Variants in GPC6 observed in about 807,000 individuals in gnomAD.
GPC6 encodes the protein glypican-6.
A neutral mutation model predicts 55.2 loss-of-function variants in GPC6; 14 were observed. The ratio of observed to expected loss-of-function variants is 0.25; its 90% CI spans 0.17 to 0.40. GPC6 has a LOEUF of 0.40. Among genes scored for constraint, GPC6 ranks in the 10% least tolerant of loss-of-function variants. GPC6 has a pLI of 1.00. For missense variants in GPC6, 641 were observed against 708.5 expected (o/e 0.90, Z 1.08); for synonymous variants, 278 against 259.6 (o/e 1.07, Z -0.68).
intron 1 of GPC6, among the ~76,000 whole-genome samples, chr13:93,298,514 A>G (rs1878568337): frequency 6.6e-6 from 1 of 152,162 alleles, no homozygotes; most frequent in Non-Finnish European, 1.5e-5. Context: ...AGCTCACTGT[A>G]GCCTTGACTT....
chr13:93,497,651 G>T (rs1880356460), intron 1 of GPC6, among the ~76,000 whole-genome samples: 2 of 152,218 alleles, frequency 1.3e-5, no homozygotes, highest in Non-Finnish European at 2.9e-5. Context: ...GTTTGAAGCT[G>T]AAGGACAATT....
At chr13:93,494,612 C>G (rs538226097) in intron 1 of GPC6, among the ~76,000 whole-genome samples, 196 of 152,242 alleles carry the variant, frequency 1.3e-3, no homozygotes, top group African/African-American at 4.6e-3. Flanking sequence ...CAGTTTCTTC[C>G]TAGTCTCAAT....
chr13:93,338,757 T>A (rs1407470064), intron 1 of GPC6, among the ~76,000 whole-genome samples: 1 of 152,220 alleles, frequency 6.6e-6, no homozygotes, highest in Non-Finnish European at 1.5e-5. Flanking sequence ...TATTATTTAA[T>A]GCATTTTACA....
In GPC6 at chr13:93,932,973, CTTT is replaced by C. The variant is rs59362571; in HGVS notation, c.712-94738_712-94736del. Among the ~76,000 whole-genome samples, 267 of 102,360 alleles carry C rather than the reference CTTT, an allele frequency of 2.6e-3. 1 individual carries two copies. Among genetic ancestry groups the C allele is most frequent in the African/African-American group, 6.1e-3 (169 of 27,506 alleles). The allele number at this position is 102,360 out of a possible 152,430, so 67.2% of individuals were successfully genotyped here. On this transcript the variant is annotated intron_variant, in intron 3 of 8. Coordinates refer to ENST00000377047, the MANE Select transcript of GPC6 (RefSeq NM_005708.5). ...GGCTGTTTTTTTGTTTTGTTTTGTT[CTTT>C]TTTTTTTTTTTTTTTTTCTGGAGTT...
chr13:93,643,318 G>C (rs553098207), intron 2 of GPC6, among the ~76,000 whole-genome samples: 2 of 152,010 alleles, frequency 1.3e-5, no homozygotes, highest in Admixed American at 6.6e-5. Flanking sequence ...GAGTAGGGGG[G>C]TTCAAAACTT....
chr13:93,411,807 C>T (rs1566342840), intron 1 of GPC6, among the ~76,000 whole-genome samples: 1 of 151,802 alleles, frequency 6.6e-6, no homozygotes, highest in Non-Finnish European at 1.5e-5. Context: ...TAGAGACCAG[C>T]CTACCCAACC....
intron 1 of GPC6, among the ~76,000 whole-genome samples, chr13:93,269,388 T>C (rs920917927): frequency 1.2e-4 from 19 of 152,150 alleles, no homozygotes; most frequent in Admixed American, 6.5e-5. Flanking sequence ...CAGCTGAACA[T>C]TTGGATATTG....
chr13:93,614,209 G>A (rs1002736320), intron 2 of GPC6, among the ~76,000 whole-genome samples: 4 of 152,136 alleles, frequency 2.6e-5, no homozygotes, highest in Non-Finnish European at 5.9e-5. Context: ...GAATCACTGT[G>A]TATTACTCCT....
At chr13:93,238,848 C>T (rs1053293312) in intron 1 of GPC6, among the ~76,000 whole-genome samples, 13 of 151,974 alleles carry the variant, frequency 8.6e-5, no homozygotes, top group African/African-American at 2.9e-4. Context: ...CTAAAATGAC[C>T]ATATAGCTTT....
At chr13:93,934,226 A>G (rs1878319706) in intron 3 of GPC6, among the ~76,000 whole-genome samples, 4 of 152,150 alleles carry the variant, frequency 2.6e-5, no homozygotes, top group African/African-American at 9.7e-5. Flanking sequence ...GTAGTTATTG[A>G]TCACTTGAAA....
chr13:94,326,066 G>C (rs57375458), intron 6 of GPC6, among the ~76,000 whole-genome samples: 4,720 of 152,194 alleles, frequency 0.031, 225 homozygotes, highest in African/African-American at 0.1. Flanking sequence ...GAGTTGGAAG[G>C]GATGTTAACA....
intron 2 of GPC6, among the ~76,000 whole-genome samples, chr13:93,753,546 C>T (rs888020199): frequency 6.6e-5 from 10 of 151,954 alleles, no homozygotes; most frequent in South Asian, 2.1e-4. Flanking sequence ...ATGAAGAATG[C>T]GGTATCCATC....
At chr13:94,286,988 G>A (rs1056705683) in intron 5 of GPC6, among the ~76,000 whole-genome samples, 1 of 152,118 alleles carries the variant, frequency 6.6e-6, no homozygotes, top group African/African-American at 2.4e-5. Context: ...TTTGTATGAA[G>A]TCAAGCACAC....
chr13:93,947,132 CA>C (rs1879044411), intron 3 of GPC6, among the ~76,000 whole-genome samples: 1 of 152,034 alleles, frequency 6.6e-6, no homozygotes, highest in Non-Finnish European at 1.5e-5. Context: ...GCTTTGATTG[CA>C]AAAAGGAGAA....
chr13:94,234,619 A>G (rs1157815920), intron 4 of GPC6, among the ~76,000 whole-genome samples: 3 of 151,898 alleles, frequency 2.0e-5, no homozygotes, highest in South Asian at 2.1e-4. Context: ...TCTTTAAAGA[A>G]CTTCTTGGAC....
chr13:93,967,809 G>A (rs1880112985), intron 3 of GPC6, among the ~76,000 whole-genome samples: 1 of 152,020 alleles, frequency 6.6e-6, no homozygotes, highest in Admixed American at 6.5e-5. Flanking sequence ...CTTTACCAAC[G>A]AGAATGCATT....
intron 3 of GPC6, among the ~76,000 whole-genome samples, chr13:93,894,661 C>T (rs1398181897): frequency 6.6e-5 from 10 of 152,064 alleles, no homozygotes; most frequent in African/African-American, 1.9e-4. Context: ...AGAAGATTGT[C>T]GGTTGTGGTT....
intron 2 of GPC6, among the ~76,000 whole-genome samples, chr13:93,577,393 G>T (rs1488646502): frequency 6.6e-6 from 1 of 152,130 alleles, no homozygotes; most frequent in Non-Finnish European, 1.5e-5. Flanking sequence ...TCATACTGCT[G>T]TGACTTTTCC....
chr13:93,919,634 G>A (rs752570094), intron 3 of GPC6, among the ~76,000 whole-genome samples: 17 of 152,206 alleles, frequency 1.1e-4, no homozygotes, highest in Non-Finnish European at 1.8e-4. Flanking sequence ...TAATGAACCT[G>A]GGAGTTTAGA....
Sources: allele counts gnomAD v4.1 joint callset (sites outside exome capture counted in the v4.1 genomes callset), GRCh38; gene constraint gnomAD v4.1.1; transcripts MANE v1.5; gene names NCBI Gene and HGNC (gene_info 2026-07-23, HGNC 2026-07-21).